Variants in PITPNC1 observed in about 807,000 individuals in gnomAD.
PITPNC1 encodes cytoplasmic phosphatidylinositol transfer protein 1.
PITPNC1 carries 18 observed loss-of-function variants against 44.7 expected under a neutral mutation model. The observed-to-expected ratio is 0.40, with a 90% CI of 0.28 to 0.60. PITPNC1 has a LOEUF of 0.60. Among genes scored for constraint, PITPNC1 ranks in the 20% least tolerant of loss-of-function variants. The pLI is 0.39. For synonymous variants in PITPNC1, 141 were observed against 149.6 expected, an observed-to-expected ratio of 0.94 and a Z score of 0.42; for missense variants, 290 against 418.4, an observed-to-expected ratio of 0.69 and a Z score of 2.68.
chr17:67,436,787 G>A (rs922167754), intron 1 of PITPNC1, among the ~76,000 whole-genome samples: 3 of 151,894 alleles, frequency 2.0e-5, no homozygotes, highest in African/African-American at 7.3e-5. Flanking sequence ...GCCTTTTCTG[G>A]AAAGCTGGGT....
intron 5 of PITPNC1, among the ~76,000 whole-genome samples, chr17:67,604,477 T>G (rs1343738127): frequency 6.6e-6 from 1 of 152,104 alleles, no homozygotes; most frequent in Non-Finnish European, 1.5e-5. Context: ...GCAAAAGAAA[T>G]AAGTTAAAAA....
At chr17:67,680,284 C>T (rs1220373836) in intron 8 of PITPNC1, among the ~76,000 whole-genome samples, 2 of 152,104 alleles carry the variant, frequency 1.3e-5, no homozygotes, top group East Asian at 3.9e-4. Flanking sequence ...TCCCTGCTCC[C>T]AATTAAAAAC....
chr17:67,584,458 C>T (rs142385479), intron 5 of PITPNC1, among the ~76,000 whole-genome samples: 25 of 152,156 alleles, frequency 1.6e-4, no homozygotes, highest in African/African-American at 5.3e-4. Flanking sequence ...AATGAAAGAA[C>T]ACAAAGTTGT....
Position 67,378,126 on chromosome 17 carries a change from C to T in PITPNC1, c.-29C>T. On this transcript the variant is annotated 5_prime_UTR_variant, in exon 1 of 9. Coordinates refer to ENST00000581322, the MANE Select transcript of PITPNC1 (RefSeq NM_012417.4). ...GGTCTTGGGGGCGCCCCCCGCTTCC[C>T]GCCCCGGGGGTCCGCGGCCGGCAGG... 2 of 1,514,028 alleles carry T rather than the reference C, an allele frequency of 1.3e-6. No individual in the cohort carries two copies. The highest frequency in any genetic ancestry group is 1.8e-6 in the Non-Finnish European group (2 of 1,128,908). The allele number at this position is 1,514,028 out of a possible 1,614,324, so 93.8% of individuals were successfully genotyped here. A position where few individuals can be genotyped will look rare whatever the true frequency, so the allele number is the denominator to read the frequency against.
At chr17:67,548,002 AC>A (rs1243491101) in intron 2 of PITPNC1, among the ~76,000 whole-genome samples, 1 of 152,066 alleles carries the variant, frequency 6.6e-6, no homozygotes, top group Non-Finnish European at 1.5e-5. Context: ...GCTGAGCCGC[AC>A]CCTGGGCCTC....
At chr17:67,593,320 C>G (rs1158546089) in intron 5 of PITPNC1, among the ~76,000 whole-genome samples, 1 of 149,502 alleles carries the variant, frequency 6.7e-6, no homozygotes, top group African/African-American at 2.5e-5. Flanking sequence ...TAAGTAGGGA[C>G]AGAATCGGAA....
chr17:67,380,073 C>CT (rs2037934626), intron 1 of PITPNC1, among the ~76,000 whole-genome samples: 1 of 148,282 alleles, frequency 6.7e-6, no homozygotes, highest in African/African-American at 2.5e-5. Flanking sequence ...TTTGTCTTTT[C>CT]TTTTCTTTTT....
At chr17:67,526,246 G>C (rs1338163107) in intron 1 of PITPNC1, among the ~76,000 whole-genome samples, 1 of 152,194 alleles carries the variant, frequency 6.6e-6, no homozygotes, top group Non-Finnish European at 1.5e-5. Context: ...GAAACTCTGG[G>C]ACGCAGCAGT....
intron 1 of PITPNC1, among the ~76,000 whole-genome samples, chr17:67,528,995 G>T (rs2040426044): frequency 6.6e-6 from 1 of 152,156 alleles, no homozygotes; most frequent in South Asian, 2.1e-4. Flanking sequence ...GGGAAGAAGT[G>T]ACGGCTGCAG....
chr17:67,540,080 AT>A (rs1430038818), intron 2 of PITPNC1, among the ~76,000 whole-genome samples: 5 of 87,400 alleles, frequency 5.7e-5, no homozygotes, highest in African/African-American at 2.9e-4. Context: ...ATTTTATTTT[AT>A]TTTATTTTAT....
chr17:67,667,194 C>G (rs531589036), intron 6 of PITPNC1, among the ~76,000 whole-genome samples: 1 of 152,232 alleles, frequency 6.6e-6, no homozygotes, highest in Non-Finnish European at 1.5e-5. Context: ...AAACCCACAG[C>G]TGGACAGCAG....
chr17:67,688,352 T>C (rs868207969), intron 8 of PITPNC1, among the ~76,000 whole-genome samples: 2 of 43,346 alleles, frequency 4.6e-5, no homozygotes, highest in African/African-American at 1.0e-4. Flanking sequence ...AAAAAAAAAA[T>C]CAATGCTGTA....
Position 67,662,539 on chromosome 17 carries a change from A to C in PITPNC1, c.463-6969A>C, listed in dbSNP as rs2042364395. ...TTTTAATCTAATTTTAGAACATTTT[A>C]ATCACCCCAAAAGGAAATTTTGTTT... On this transcript the variant is annotated intron_variant, in intron 6 of 8. Transcript: ENST00000581322. Among the ~76,000 whole-genome samples the C allele has an allele frequency of 2.6e-5, 4 of 152,096 alleles. No individual in the cohort carries two copies. The South Asian group carries it at 8.3e-4, about 32-fold the overall frequency.
chr17:67,602,747 G>A (rs1325967716), intron 5 of PITPNC1, among the ~76,000 whole-genome samples: 1 of 151,812 alleles, frequency 6.6e-6, no homozygotes, highest in Admixed American at 6.6e-5. Context: ...TTTTTTTTTG[G>A]TGGTTGGGGG....
At chr17:67,450,761 A>G (rs1312947669) in intron 1 of PITPNC1, among the ~76,000 whole-genome samples, 1 of 152,156 alleles carries the variant, frequency 6.6e-6, no homozygotes, top group Non-Finnish European at 1.5e-5. Flanking sequence ...TAGTGGCATT[A>G]AGTATTTTCA....
intron 1 of PITPNC1, among the ~76,000 whole-genome samples, chr17:67,408,208 C>T (rs963220464): frequency 1.3e-5 from 2 of 152,168 alleles, no homozygotes; most frequent in African/African-American, 4.8e-5. Flanking sequence ...CCCACCTCAG[C>T]CTCCCAAAGT....
At chr17:67,501,302 C>A (rs564659408) in intron 1 of PITPNC1, among the ~76,000 whole-genome samples, 1 of 152,178 alleles carries the variant, frequency 6.6e-6, no homozygotes, top group South Asian at 2.1e-4. Context: ...ATATAGACCC[C>A]AAAAATACAC....
chr17:67,406,726 A>G (rs754102747), intron 1 of PITPNC1, among the ~76,000 whole-genome samples: 5 of 151,888 alleles, frequency 3.3e-5, no homozygotes, highest in Non-Finnish European at 1.5e-5. Context: ...AGCTGGGATT[A>G]CAGATGTGTG....
intron 5 of PITPNC1, among the ~76,000 whole-genome samples, chr17:67,599,034 A>ATATATATT (rs1461493250): frequency 5.6e-5 from 2 of 35,672 alleles, no homozygotes; most frequent in Admixed American, 3.9e-4. Context: ...ATATATATAT[A>ATATATATT]TTTTTTTTTT....
Sources: gnomAD v4.1 joint callset for allele counts (sites outside exome capture counted in the v4.1 genomes callset) on GRCh38, gnomAD v4.1.1 for gene constraint, MANE v1.5 for transcripts, NCBI Gene and HGNC (gene_info 2026-07-23, HGNC 2026-07-21) for gene names.